The following PCCB variants were observed in gnomAD, a reference collection of about 807,000 sequenced individuals.
PCCB encodes the protein propionyl-CoA carboxylase subunit beta.
A neutral mutation model predicts 60.7 loss-of-function variants in PCCB; 43 were observed. The ratio of observed to expected loss-of-function variants is 0.71; its 90% CI spans 0.55 to 0.91. The LOEUF (loss-of-function observed/expected upper bound fraction) is 0.91, where lower values mean the gene tolerates loss of function less well. Ranked by LOEUF, PCCB falls within the 40% of genes least tolerant of loss-of-function variation. The pLI is 0.00. For synonymous variants in PCCB, 276 were observed against 255.9 expected, an observed-to-expected ratio of 1.08 and a Z score of -0.75; for missense variants, 766 against 702.8, an observed-to-expected ratio of 1.09 and a Z score of -1.02.
At chr3:136,307,299 T>C (rs1236127243) in intron 9 of PCCB, among the ~76,000 whole-genome samples, 1 of 142,294 alleles carries the variant, frequency 7.0e-6, no homozygotes, top group Admixed American at 7.5e-5. Context: ...GATTATCTAA[T>C]ATACTTAATT....
intron 6 of PCCB, among the ~76,000 whole-genome samples, chr3:136,293,379 T>C (rs181304386): frequency 6.2e-4 from 95 of 152,356 alleles, no homozygotes; most frequent in African/African-American, 2.2e-3. Context: ...TTTCCTCATA[T>C]GTAAATGAGG....
At chr3:136,261,862 C>T (rs937574405) in intron 4 of PCCB, 90 bp from the exon 5 acceptor site, 14 of 879,740 alleles carry the variant, frequency 1.6e-5, no homozygotes, top group African/African-American at 3.3e-5. Context: ...GCACTCAGAA[C>T]GTTTTCCAGA....
intron 6 of PCCB, among the ~76,000 whole-genome samples, chr3:136,284,407 A>G (rs1933258387): frequency 6.6e-6 from 1 of 152,234 alleles, no homozygotes; most frequent in Non-Finnish European, 1.5e-5. Flanking sequence ...TTTCAGAGGT[A>G]CATATCTTTA....
In PCCB at chr3:136,279,958, G is replaced by A. The variant is rs1576323585; in HGVS notation, c.544-3879G>A. Reference sequence around the variant, plus strand: ...TGGGATTACAGGCGTGAGCCACCGCGCCCGGCCTTTTTATTTATTTTTGTA... The same window carrying A: ...TGGGATTACAGGCGTGAGCCACCGCACCCGGCCTTTTTATTTATTTTTGTA... On this transcript the variant is annotated intron_variant, in intron 5 of 14. Transcript: ENST00000251654. 2.0e-5 allele frequency among the ~76,000 whole-genome samples: 3 copies of A among 152,322 alleles called. No homozygotes were observed. The South Asian group carries it at 6.2e-4, about 32-fold the overall frequency.
At chr3:136,283,310 T>C (rs1334897006) in intron 5 of PCCB, among the ~76,000 whole-genome samples, 2 of 152,174 alleles carry the variant, frequency 1.3e-5, no homozygotes, top group Non-Finnish European at 2.9e-5. Flanking sequence ...CCGCCTTCTC[T>C]CCTGCATTCC....
chr3:136,252,004 A>G (rs182639971), intron 1 of PCCB, among the ~76,000 whole-genome samples: 15 of 151,940 alleles, frequency 9.9e-5, no homozygotes, highest in Admixed American at 3.3e-4. Context: ...CAGCCTCCCA[A>G]GTAGCTGGGA....
intron 1 of PCCB, among the ~76,000 whole-genome samples, chr3:136,251,452 T>TG (rs1335062373): frequency 6.6e-6 from 1 of 152,142 alleles, no homozygotes; most frequent in African/African-American, 2.4e-5. Flanking sequence ...AGGGAGGCAC[T>TG]GGGGGAGGGA....
At chr3:136,325,962 C>T (rs1439207226) in intron 10 of PCCB, among the ~76,000 whole-genome samples, 4 of 151,908 alleles carry the variant, frequency 2.6e-5, no homozygotes, top group African/African-American at 7.3e-5. Flanking sequence ...TACAGGTACC[C>T]GCCACCACAC....
At chr3:136,300,896 C>T in intron 8 of PCCB, 134 bp from the exon 9 acceptor site, 1 of 721,098 alleles carries the variant, frequency 1.4e-6, no homozygotes, top group South Asian at 1.5e-5. Flanking sequence ...TTGGTGACTG[C>T]TTTGTAAGCC....
chr3:136,277,227 A>C (rs1942350748), intron 5 of PCCB, among the ~76,000 whole-genome samples: 1 of 152,216 alleles, frequency 6.6e-6, no homozygotes, highest in Non-Finnish European at 1.5e-5. Flanking sequence ...GGACAGATGC[A>C]GGACCTCCTG....
intron 8 of PCCB, among the ~76,000 whole-genome samples, chr3:136,298,960 T>G (rs1028644513): frequency 2.0e-5 from 3 of 152,206 alleles, no homozygotes; most frequent in African/African-American, 7.2e-5. Flanking sequence ...TCTGTCTGCC[T>G]CTGCCCACTC....
At chr3:136,287,312 G>A (rs991131207) in intron 6 of PCCB, among the ~76,000 whole-genome samples, 1 of 152,030 alleles carries the variant, frequency 6.6e-6, no homozygotes, top group African/African-American at 2.4e-5. Context: ...TGTGTGCATG[G>A]CTTCTGGCTC....
intron 1 of PCCB, chr3:136,251,211 A>T (rs1215113517): frequency 2.2e-6 from 1 of 456,474 alleles, no homozygotes; most frequent in Non-Finnish European, 4.4e-6. Context: ...GAGCAGTTGA[A>T]ACACTGCCAC....
At chr3:136,317,861 A>C (rs1934965606) in intron 10 of PCCB, among the ~76,000 whole-genome samples, 1 of 152,140 alleles carries the variant, frequency 6.6e-6, no homozygotes, top group South Asian at 2.1e-4. Flanking sequence ...CAAGTGAGGG[A>C]GACTCTTCCA....
At chr3:136,254,941 A>G (rs1034190765) in intron 1 of PCCB, among the ~76,000 whole-genome samples, 2 of 150,882 alleles carry the variant, frequency 1.3e-5, no homozygotes, top group East Asian at 2.0e-4. Flanking sequence ...ATGGTGCACA[A>G]TCTCGGCTCA....
At position 136,327,701 on chromosome 3, in the gene PCCB, C is replaced by G. The variant is rs772498709; in HGVS notation, c.1367C>G (p.Pro456Arg). 2 of 1,613,986 alleles carry G rather than the reference C, an allele frequency of 1.2e-6. No homozygotes were observed. The highest frequency in any genetic ancestry group is 1.7e-6 in the Non-Finnish European group (2 of 1,179,952). ...TGTGGTGATACCAACTATGCCTGGC[C>G]CACCGCAGAGATTGCAGTCATGGGA... ...HLCGDTNYAWPTAEIAVMGAK... is the reference protein window; with the variant it reads ...HLCGDTNYAWRTAEIAVMGAK... Residue 456 changes from proline to arginine, a missense_variant, in exon 13 of 15, where the codon CCC becomes CGC. By Grantham distance (103) the Pro-to-Arg change is moderately radical (BLOSUM62 -2). Coordinates refer to ENST00000251654, the MANE Select transcript of PCCB (RefSeq NM_000532.5).
At chr3:136,318,567 C>T (rs1934997518) in intron 10 of PCCB, among the ~76,000 whole-genome samples, 2 of 152,310 alleles carry the variant, frequency 1.3e-5, no homozygotes, top group South Asian at 2.1e-4. Flanking sequence ...TTATCTCAGC[C>T]TCCAGCCTTT....
intron 5 of PCCB, among the ~76,000 whole-genome samples, chr3:136,262,748 A>C (rs547508105): frequency 6.6e-6 from 1 of 152,298 alleles, no homozygotes; most frequent in Non-Finnish European, 1.5e-5. Flanking sequence ...CATTGTTTTT[A>C]ATCAGGCCAG....
intron 3 of PCCB, 61 bp downstream of exon 3, chr3:136,256,684 G>A (rs1003856821): frequency 8.5e-7 from 1 of 1,173,478 alleles, no homozygotes; most frequent in Non-Finnish European, 1.3e-6. Context: ...AGGAAAATAT[G>A]TGAAAGAAGC....
Sources: allele counts gnomAD v4.1 joint callset (sites outside exome capture counted in the v4.1 genomes callset), GRCh38; gene constraint gnomAD v4.1.1; transcripts MANE v1.5; gene names NCBI Gene and HGNC (gene_info 2026-07-23, HGNC 2026-07-21).